PRKG1: variants seen among roughly 807,000 people sequenced by gnomAD.
The protein encoded by PRKG1 is protein kinase cGMP-dependent 1.
Under a neutral mutation model 88.1 loss-of-function variants are expected in PRKG1, and 35 were observed. The ratio of observed to expected loss-of-function variants is 0.40; its 90% CI spans 0.30 to 0.53. The LOEUF (loss-of-function observed/expected upper bound fraction) is 0.53. Ranked by LOEUF, PRKG1 falls within the 20% of genes least tolerant of loss-of-function variation. The pLI, the probability that PRKG1 is intolerant of heterozygous loss-of-function variation, is 0.59. For synonymous variants in PRKG1, 303 were observed against 292.5 expected (o/e 1.04, Z -0.37); for missense variants, 540 against 839.8 (o/e 0.64, Z 4.41).
intron 7 of PRKG1, among the ~76,000 whole-genome samples, chr10:52,071,590 A>T (rs917113978): frequency 4.7e-5 from 6 of 128,014 alleles, no homozygotes; most frequent in African/African-American, 1.8e-4. Flanking sequence ...TGGGGTGCAC[A>T]TTCTTCCATT....
chr10:51,872,381 G>T (rs12783313), intron 4 of PRKG1, among the ~76,000 whole-genome samples: 1 of 151,890 alleles, frequency 6.6e-6, no homozygotes, highest in Non-Finnish European at 1.5e-5. Flanking sequence ...CTGGCATATA[G>T]GAAATATTAA....
intron 1 of PRKG1, among the ~76,000 whole-genome samples, chr10:51,103,809 G>A (rs541422152): frequency 7.9e-5 from 12 of 152,270 alleles, no homozygotes; most frequent in African/African-American, 2.6e-4. Context: ...ATGAATAAAT[G>A]TATTGAGAGG....
chr10:51,011,209 G>A (rs1842990181), intron 1 of PRKG1, among the ~76,000 whole-genome samples: 1 of 152,118 alleles, frequency 6.6e-6, no homozygotes, highest in Admixed American at 6.6e-5. Context: ...GTGTGTGTGT[G>A]GGTGGGGAGG....
chr10:52,018,106 G>T (rs1845090149), intron 5 of PRKG1, among the ~76,000 whole-genome samples: 1 of 152,090 alleles, frequency 6.6e-6, no homozygotes, highest in Non-Finnish European at 1.5e-5. Flanking sequence ...GTGACTTACA[G>T]CATGCTTTCT....
chr10:51,425,924 G>C (rs917107676), intron 2 of PRKG1, among the ~76,000 whole-genome samples: 1 of 152,158 alleles, frequency 6.6e-6, no homozygotes, highest in South Asian at 2.1e-4. Flanking sequence ...TAACCTTCAA[G>C]ATAAATCTGC....
At chr10:51,700,581 C>G (rs919162447) in intron 3 of PRKG1, among the ~76,000 whole-genome samples, 1 of 152,056 alleles carries the variant, frequency 6.6e-6, no homozygotes, top group African/African-American at 2.4e-5. Flanking sequence ...TGGTGTTTCC[C>G]CGCCTGCAAT....
At chr10:51,161,382 A>C (rs1265640706) in intron 2 of PRKG1, among the ~76,000 whole-genome samples, 1 of 152,192 alleles carries the variant, frequency 6.6e-6, no homozygotes, top group Non-Finnish European at 1.5e-5. Flanking sequence ...TAATGTTCTT[A>C]ATACTCATCT....
chr10:51,305,388 G>C (rs1434590282), intron 2 of PRKG1, among the ~76,000 whole-genome samples: 1 of 151,970 alleles, frequency 6.6e-6, no homozygotes, highest in Non-Finnish European at 1.5e-5. Flanking sequence ...TTTCCTTTTT[G>C]TTGGCTTCCT....
intron 3 of PRKG1, among the ~76,000 whole-genome samples, chr10:51,595,566 G>T (rs1445561633): frequency 6.6e-6 from 1 of 151,938 alleles, no homozygotes; most frequent in Admixed American, 6.6e-5. Context: ...GGAAGTAAAG[G>T]TTGCAGTGAG....
At chr10:51,588,576 C>T (rs1219608097) in intron 3 of PRKG1, among the ~76,000 whole-genome samples, 1 of 152,118 alleles carries the variant, frequency 6.6e-6, no homozygotes, top group African/African-American at 2.4e-5. Context: ...ACAAGGAGAA[C>T]TTGTCAAAAA....
chr10:51,278,161 G>C (rs1038322019), intron 2 of PRKG1, among the ~76,000 whole-genome samples: 3 of 152,210 alleles, frequency 2.0e-5, no homozygotes, highest in African/African-American at 7.2e-5. Context: ...TTTTTAGCAT[G>C]AAGGGCTGTT....
Position 51,902,305 on chromosome 10 carries a change from G to A in PRKG1, c.699-5202G>A, listed in dbSNP as rs149534495. On this transcript the variant is annotated intron_variant, in intron 4 of 17. Coordinates refer to ENST00000373980, the MANE Select transcript of PRKG1 (RefSeq NM_006258.4). ...CTAATTTTGTATTTTTAGTAGAAAC[G>A]GAGTTTCTCCATGTTGGTCAGGCTG... Among the ~76,000 whole-genome samples the A allele has an allele frequency of 8.3e-3, 1,261 of 151,878 alleles. 18 individuals carry two copies. The highest frequency in any genetic ancestry group is 0.026 in the African/African-American group (1,095 of 41,438).
In PRKG1 at chr10:51,642,448, T is replaced by C. The variant is rs115961256; in HGVS notation, c.593-162137T>C. Among the ~76,000 whole-genome samples, 349 of 152,308 alleles carry C rather than the reference T, an allele frequency of 2.3e-3. 3 individuals carry two copies. The highest frequency in any genetic ancestry group is 8.1e-3 in the African/African-American group (337 of 41,564). ...TATTTAAGTATTACCCCCCTCATTA[T>C]GCACCATTAGTCCTGTCACTGAACC... On this transcript the variant is annotated intron_variant, in intron 3 of 17. Transcript: ENST00000373980.
At chr10:52,135,159 G>A (rs1354242026) in intron 8 of PRKG1, among the ~76,000 whole-genome samples, 1 of 152,110 alleles carries the variant, frequency 6.6e-6, no homozygotes. Flanking sequence ...AGAAAAGAGA[G>A]TGAGTACTTT....
chr10:52,067,902 T>C (rs905536878), intron 7 of PRKG1, among the ~76,000 whole-genome samples: 1 of 152,124 alleles, frequency 6.6e-6, no homozygotes, highest in African/African-American at 2.4e-5. Context: ...GACTTACCAT[T>C]GCTTCAAGAT....
intron 1 of PRKG1, among the ~76,000 whole-genome samples, chr10:51,089,446 C>T (rs566665775): frequency 4.4e-4 from 67 of 152,226 alleles, no homozygotes; most frequent in African/African-American, 1.5e-3. Flanking sequence ...TTGGTAGAGA[C>T]CATTAATCAC....
intron 2 of PRKG1, among the ~76,000 whole-genome samples, chr10:51,346,482 T>C (rs1399532152): frequency 6.6e-6 from 1 of 152,210 alleles, no homozygotes; most frequent in Admixed American, 6.5e-5. Context: ...AATAAATATT[T>C]CTCAAGTGAA....
chr10:51,079,649 C>A (rs756189990), intron 1 of PRKG1, among the ~76,000 whole-genome samples: 1 of 150,966 alleles, frequency 6.6e-6, no homozygotes, highest in African/African-American at 2.4e-5. Flanking sequence ...AGAGGGCATT[C>A]TTTTGGGTTT....
intron 2 of PRKG1, among the ~76,000 whole-genome samples, chr10:51,254,464 A>G (rs1243030029): frequency 6.6e-6 from 1 of 151,940 alleles, no homozygotes; most frequent in Non-Finnish European, 1.5e-5. Flanking sequence ...ATTCTGTTCA[A>G]CCTTTTCACC....
Sources: allele counts gnomAD v4.1 joint callset (sites outside exome capture counted in the v4.1 genomes callset), GRCh38; gene constraint gnomAD v4.1.1; transcripts MANE v1.5; gene names NCBI Gene and HGNC (gene_info 2026-07-23, HGNC 2026-07-21).